Variants in MAF observed in about 807,000 individuals in gnomAD.
MAF encodes MAF bZIP transcription factor, also known as transcription factor Maf.
A neutral mutation model predicts 22.0 loss-of-function variants in MAF; 10 were observed. The ratio of observed to expected loss-of-function variants is 0.45; its 90% CI spans 0.28 to 0.77. The LOEUF is 0.77. Ranked by LOEUF, MAF falls within the 30% of genes least tolerant of loss-of-function variation. The pLI, the probability that MAF is intolerant of heterozygous loss-of-function variation, is 0.12. For synonymous variants in MAF, 337 were observed against 255.8 expected (o/e 1.32, Z -3.03); for missense variants, 544 against 548.4 (o/e 0.99, Z 0.08).
intron 1 of MAF, chr16:79,597,800 C>T (rs200380882): frequency 1.1e-6 from 1 of 890,958 alleles, no homozygotes; most frequent in Non-Finnish European, 1.4e-6. Flanking sequence ...AGCATGCAGG[C>T]TTTTTTTTTT....
chr16:79,411,768 T>G, the MAF span, among the ~76,000 whole-genome samples: 1 of 152,254 alleles, frequency 6.6e-6, no homozygotes, highest in Non-Finnish European at 1.5e-5. Context: ...TCACTCTTCC[T>G]GCATGTTATG....
the MAF span, among the ~76,000 whole-genome samples, chr16:79,227,447 C>T: frequency 1.3e-5 from 2 of 152,034 alleles, no homozygotes; most frequent in Non-Finnish European, 2.9e-5. Context: ...TGACTTTGGC[C>T]AGGTCAGTAT....
chr16:79,208,885 A>C, the MAF span, among the ~76,000 whole-genome samples: 2 of 152,222 alleles, frequency 1.3e-5, no homozygotes, highest in Non-Finnish European at 2.9e-5. Flanking sequence ...GGGACCAACA[A>C]GATATTGTTA....
the MAF span, among the ~76,000 whole-genome samples, chr16:79,354,064 C>A: frequency 6.6e-6 from 1 of 152,162 alleles, no homozygotes; most frequent in East Asian, 1.9e-4. Flanking sequence ...GGTGCCATCA[C>A]GGCTCACTGC....
the MAF span, among the ~76,000 whole-genome samples, chr16:79,331,434 C>T: frequency 6.6e-6 from 1 of 152,210 alleles, no homozygotes; most frequent in Non-Finnish European, 1.5e-5. Context: ...CCCTTCATGG[C>T]TTGGACTCCA....
chr16:79,434,993 T>C, the MAF span, among the ~76,000 whole-genome samples: 1 of 152,092 alleles, frequency 6.6e-6, no homozygotes, highest in African/African-American at 2.4e-5. Flanking sequence ...ATCCGGCTGC[T>C]TATCTGTTGG....
chr16:79,315,631 T>C, the MAF span, among the ~76,000 whole-genome samples: 2 of 152,214 alleles, frequency 1.3e-5, no homozygotes, highest in Admixed American at 1.3e-4. Flanking sequence ...GAATCTAGGT[T>C]TCACATCCAA....
At chr16:79,285,504 G>C in the MAF span, among the ~76,000 whole-genome samples, 1 of 152,144 alleles carries the variant, frequency 6.6e-6, no homozygotes. Flanking sequence ...CCCTAGGTGT[G>C]GGGAGCAGGG....
At chr16:79,420,492 C>T in the MAF span, among the ~76,000 whole-genome samples, 1 of 152,156 alleles carries the variant, frequency 6.6e-6, no homozygotes, top group Non-Finnish European at 1.5e-5. Context: ...TTTAGGTTCA[C>T]AGCAAAATAG....
the MAF span, among the ~76,000 whole-genome samples, chr16:79,465,070 G>A: frequency 6.6e-6 from 1 of 152,212 alleles, no homozygotes; most frequent in Non-Finnish European, 1.5e-5. Flanking sequence ...CCACCAGGGA[G>A]AAGGTCCTGA....
At chr16:79,418,535 G>A in the MAF span, among the ~76,000 whole-genome samples, 2 of 152,166 alleles carry the variant, frequency 1.3e-5, no homozygotes, top group Non-Finnish European at 1.5e-5. Context: ...TGGTGAGGGG[G>A]CAAAGGAAAG....
chr16:79,493,144 T>G, the MAF span, among the ~76,000 whole-genome samples: 330 of 119,404 alleles, frequency 2.8e-3, 1 homozygote, highest in African/African-American at 0.014. Flanking sequence ...TTTTTTTTTG[T>G]TTTGTTTTGT....
intron 1 of MAF, chr16:79,596,091 A>G (rs1913506875): frequency 1.7e-5 from 18 of 1,062,658 alleles, no homozygotes; most frequent in Non-Finnish European, 2.1e-5. Flanking sequence ...ATATGTGCGC[A>G]AGCCACCTCT....
the MAF span, among the ~76,000 whole-genome samples, chr16:79,564,827 C>T: frequency 1.8e-4 from 28 of 152,264 alleles, no homozygotes; most frequent in South Asian, 4.6e-3. Flanking sequence ...GAGGGATGGA[C>T]GCCTGACAAT....
chr16:79,433,460 A>C, the MAF span, among the ~76,000 whole-genome samples: 1 of 150,140 alleles, frequency 6.7e-6, no homozygotes, highest in African/African-American at 2.5e-5. Context: ...AACTGTTTTC[A>C]CTGTTCAGAA....
chr16:79,207,594 T>C, the MAF span, among the ~76,000 whole-genome samples: 2 of 152,254 alleles, frequency 1.3e-5, no homozygotes, highest in Admixed American at 1.3e-4. Context: ...TATATAGATA[T>C]GCCATGATAT....
chr16:79,403,637 C>T, the MAF span, among the ~76,000 whole-genome samples: 2 of 152,216 alleles, frequency 1.3e-5, no homozygotes, highest in African/African-American at 4.8e-5. Context: ...GGTTGAGTTC[C>T]TCTTCACCTC....
At chr16:79,342,355 A>G in the MAF span, among the ~76,000 whole-genome samples, 5 of 152,242 alleles carry the variant, frequency 3.3e-5, no homozygotes, top group African/African-American at 9.6e-5. Flanking sequence ...ACAGTGTTGC[A>G]TAAGTAAAGA....
chr16:79,341,071 C>T, the MAF span, among the ~76,000 whole-genome samples: 1 of 152,014 alleles, frequency 6.6e-6, no homozygotes, highest in African/African-American at 2.4e-5. Flanking sequence ...TGGAAGGAGG[C>T]CGGAAGCAGG....
Sources: gnomAD v4.1 joint callset for allele counts (sites outside exome capture counted in the v4.1 genomes callset) on GRCh38, gnomAD v4.1.1 for gene constraint, MANE v1.5 for transcripts, NCBI Gene and HGNC (gene_info 2026-07-23, HGNC 2026-07-21) for gene names.